Variants in LINGO2 observed in about 807,000 individuals in gnomAD.
The protein encoded by LINGO2 is leucine rich repeat and Ig domain containing 2, also known as leucine-rich repeat and immunoglobulin-like domain-containing nogo receptor-interacting protein 2.
Under a neutral mutation model 30.6 loss-of-function variants are expected in LINGO2, and 14 were observed. That is an observed-to-expected ratio of 0.46 (90% CI 0.30 to 0.72). The LOEUF (loss-of-function observed/expected upper bound fraction) is 0.72, where lower values mean the gene tolerates loss of function less well. Ranked by LOEUF, LINGO2 falls within the 30% of genes least tolerant of loss-of-function variation. LINGO2 has a pLI of 0.07. For missense variants in LINGO2, 729 were observed against 751.7 expected, an observed-to-expected ratio of 0.97 and a Z score of 0.35; for synonymous variants, 317 against 288.5, an observed-to-expected ratio of 1.10 and a Z score of -1.00.
the LINGO2 span, among the ~76,000 whole-genome samples, chr9:28,877,736 C>T: frequency 1.3e-5 from 2 of 152,112 alleles, no homozygotes; most frequent in Non-Finnish European, 2.9e-5. Flanking sequence ...GCAATGCAGG[C>T]TCTTTTTTGG....
the LINGO2 span, among the ~76,000 whole-genome samples, chr9:28,826,247 A>C: frequency 6.1e-3 from 923 of 152,318 alleles, 11 homozygotes; most frequent in African/African-American, 0.021. Flanking sequence ...CACTGTTATC[A>C]ACATCACCAT....
the LINGO2 span, among the ~76,000 whole-genome samples, chr9:28,748,819 A>C: frequency 6.6e-6 from 1 of 151,996 alleles, no homozygotes. Context: ...ATTGGCAAAA[A>C]TAAAGATGTA....
chr9:28,258,746 T>C (rs1822464828), intron 4 of LINGO2, among the ~76,000 whole-genome samples: 1 of 151,936 alleles, frequency 6.6e-6, no homozygotes, highest in African/African-American at 2.4e-5. Context: ...CATTGGGATA[T>C]TATTTTTACC....
chr9:29,006,872 C>A, the LINGO2 span, among the ~76,000 whole-genome samples: 2 of 152,076 alleles, frequency 1.3e-5, 1 homozygote, highest in East Asian at 3.9e-4. Flanking sequence ...TCCTTTGATG[C>A]CTTAATAGCA....
intron 4 of LINGO2, among the ~76,000 whole-genome samples, chr9:28,154,893 A>G (rs1287704803): frequency 2.0e-5 from 3 of 152,232 alleles, no homozygotes; most frequent in Non-Finnish European, 4.4e-5. Flanking sequence ...GAGAACATTT[A>G]GAAATAATTT....
At chr9:28,763,414 C>G in the LINGO2 span, among the ~76,000 whole-genome samples, 3 of 151,716 alleles carry the variant, frequency 2.0e-5, no homozygotes, top group Non-Finnish European at 2.9e-5. Context: ...TATGTGGAAA[C>G]TAAATAACAA....
intron 4 of LINGO2, among the ~76,000 whole-genome samples, chr9:28,232,152 A>C (rs971920154): frequency 3.3e-5 from 5 of 152,034 alleles, no homozygotes; most frequent in African/African-American, 1.2e-4. Context: ...TAATCCAAGA[A>C]CTTTGGGAGG....
the LINGO2 span, among the ~76,000 whole-genome samples, chr9:28,947,203 T>G: frequency 6.6e-6 from 1 of 152,074 alleles, no homozygotes; most frequent in Admixed American, 6.6e-5. Flanking sequence ...ATATAGAAGC[T>G]TCAATTTCCA....
chr9:28,666,532 ATAAT>A (rs1199286347), intron 1 of LINGO2, among the ~76,000 whole-genome samples: 2 of 152,178 alleles, frequency 1.3e-5, no homozygotes, highest in Non-Finnish European at 2.9e-5. Context: ...AGTCAACTAA[ATAAT>A]TGTTAGGCTC....
chr9:28,559,523 T>C (rs1440841890), intron 1 of LINGO2, among the ~76,000 whole-genome samples: 2 of 152,108 alleles, frequency 1.3e-5, no homozygotes, highest in African/African-American at 4.8e-5. Context: ...GGTTCCAAGA[T>C]CCTACAGTAC....
chr9:28,558,596 A>C (rs148339333), intron 1 of LINGO2, among the ~76,000 whole-genome samples: 5 of 152,168 alleles, frequency 3.3e-5, no homozygotes, highest in African/African-American at 1.2e-4. Flanking sequence ...ACTCCAAACT[A>C]CTTTTATGGT....
the LINGO2 span, among the ~76,000 whole-genome samples, chr9:29,046,504 C>G: frequency 6.6e-6 from 1 of 152,062 alleles, no homozygotes. Context: ...GAAAGACTCC[C>G]TAATCAATAA....
At chr9:28,279,255 T>A (rs1436342383) in intron 4 of LINGO2, among the ~76,000 whole-genome samples, 1 of 152,206 alleles carries the variant, frequency 6.6e-6, no homozygotes, top group Non-Finnish European at 1.5e-5. Context: ...AGATTTAGAA[T>A]ATTAAATAAA....
chr9:28,354,379 A>C (rs1820071234), intron 3 of LINGO2, among the ~76,000 whole-genome samples: 1 of 152,188 alleles, frequency 6.6e-6, no homozygotes, highest in Non-Finnish European at 1.5e-5. Flanking sequence ...ATATGACATA[A>C]GCTAATAAAA....
At chr9:28,008,873 C>CA (rs1822404395) in intron 5 of LINGO2, among the ~76,000 whole-genome samples, 2 of 152,066 alleles carry the variant, frequency 1.3e-5, no homozygotes, top group African/African-American at 4.8e-5. Context: ...TAATACATAT[C>CA]AAAATCATGA....
At chr9:28,222,809 C>T (rs1821012154) in intron 4 of LINGO2, among the ~76,000 whole-genome samples, 1 of 152,054 alleles carries the variant, frequency 6.6e-6, no homozygotes, top group African/African-American at 2.4e-5. Flanking sequence ...AGTCATGCCA[C>T]AGTAAGTTTC....
At chr9:28,297,859 C>T (rs532073795) in intron 3 of LINGO2, among the ~76,000 whole-genome samples, 25 of 152,182 alleles carry the variant, frequency 1.6e-4, no homozygotes, top group Non-Finnish European at 3.2e-4. Context: ...TAAGGAATTA[C>T]AGTACAATCC....
At chr9:29,139,445 C>T in the LINGO2 span, among the ~76,000 whole-genome samples, 2 of 152,188 alleles carry the variant, frequency 1.3e-5, no homozygotes, top group African/African-American at 4.8e-5. Context: ...TTTCTGGTTA[C>T]AGACAATGCT....
At chr9:28,850,915 T>A in the LINGO2 span, among the ~76,000 whole-genome samples, 1 of 152,118 alleles carries the variant, frequency 6.6e-6, no homozygotes, top group East Asian at 1.9e-4. Flanking sequence ...TTTGACTTTG[T>A]CCTAGGATTA....
Sources: gnomAD v4.1 joint callset for allele counts (sites outside exome capture counted in the v4.1 genomes callset) on GRCh38, gnomAD v4.1.1 for gene constraint, MANE v1.5 for transcripts, NCBI Gene and HGNC (gene_info 2026-07-23, HGNC 2026-07-21) for gene names.